PDE7B: variants seen among roughly 807,000 people sequenced by gnomAD.
The protein encoded by PDE7B is phosphodiesterase 7B.
In PDE7B, 29 loss-of-function variants were observed where a neutral mutation model predicts 56.2. The ratio of observed to expected loss-of-function variants is 0.52; its 90% confidence interval spans 0.38 to 0.70. The LOEUF is 0.70. Ranked by LOEUF, PDE7B falls within the 30% of genes least tolerant of loss-of-function variation. The pLI is 0.00. For synonymous variants in PDE7B, 197 were observed against 196.9 expected (o/e 1.00, Z 0.00); for missense variants, 490 against 565.0 (o/e 0.87, Z 1.35).
At chr6:136,140,531 A>G (rs561862293) in intron 3 of PDE7B, among the ~76,000 whole-genome samples, 15 of 152,282 alleles carry the variant, frequency 9.9e-5, no homozygotes, top group South Asian at 2.1e-4. Context: ...GCTTGATGGC[A>G]ATGGCATTGA....
At chr6:135,935,088 A>G (rs1350925166) in intron 1 of PDE7B, among the ~76,000 whole-genome samples, 1 of 86,576 alleles carries the variant, frequency 1.2e-5, no homozygotes, top group Non-Finnish European at 2.0e-5. Flanking sequence ...AAATAAATAT[A>G]TAATATATAT....
intron 1 of PDE7B, among the ~76,000 whole-genome samples, chr6:135,935,217 T>TATATATATATATATA (rs1554268029): frequency 2.1e-4 from 19 of 91,156 alleles, no homozygotes; most frequent in African/African-American, 5.9e-4. Context: ...TATATATATA[T>TATATATATATATATA]TTTCATGATT....
intron 3 of PDE7B, among the ~76,000 whole-genome samples, chr6:136,114,574 C>T (rs775642624): frequency 1.3e-5 from 2 of 152,194 alleles, no homozygotes; most frequent in African/African-American, 4.8e-5. Flanking sequence ...CAGACAGTTA[C>T]AGCCTTTTAG....
At chr6:135,864,706 C>A (rs180825995) in intron 1 of PDE7B, among the ~76,000 whole-genome samples, 105 of 152,052 alleles carry the variant, frequency 6.9e-4, no homozygotes, top group African/African-American at 2.5e-3. Flanking sequence ...AAATGTGTGT[C>A]GTGATATTGT....
intron 3 of PDE7B, among the ~76,000 whole-genome samples, chr6:136,126,447 C>G (rs1778024501): frequency 6.6e-6 from 1 of 152,126 alleles, no homozygotes; most frequent in South Asian, 2.1e-4. Context: ...CAATCCCACT[C>G]CTGGGTATCT....
intron 8 of PDE7B, among the ~76,000 whole-genome samples, chr6:136,165,859 T>C (rs1002867024): frequency 6.6e-6 from 1 of 152,134 alleles, no homozygotes; most frequent in Non-Finnish European, 1.5e-5. Context: ...TTCTTCTGAA[T>C]AGCCATAAGC....
chr6:136,181,128 T>A, intron 10 of PDE7B, 99 bp from the exon 11 acceptor site: 1 of 804,126 alleles, frequency 1.2e-6, no homozygotes. Context: ...CCTGGTACTG[T>A]GAGCAGACTG....
intron 1 of PDE7B, among the ~76,000 whole-genome samples, chr6:135,935,200 A>T (rs544339152): frequency 1.2e-5 from 1 of 86,024 alleles, no homozygotes; most frequent in Non-Finnish European, 2.1e-5. Context: ...TTATATATAT[A>T]TATATATATA....
At chr6:136,006,985 T>C (rs774120381) in intron 2 of PDE7B, among the ~76,000 whole-genome samples, 1 of 152,100 alleles carries the variant, frequency 6.6e-6, no homozygotes, top group East Asian at 1.9e-4. Flanking sequence ...TTGTCTTCTG[T>C]CAGTTTTCAA....
chr6:135,928,489 A>ATATATATATATTTATATATATATT (rs1562442921), intron 1 of PDE7B, among the ~76,000 whole-genome samples: 3 of 81,758 alleles, frequency 3.7e-5, no homozygotes, highest in African/African-American at 9.1e-5. Context: ...ATATTTATTT[A>ATATATATATATTTATATATATATT]TATATATATA....
chr6:136,010,492 A>G (rs7755585), intron 2 of PDE7B, among the ~76,000 whole-genome samples: 67,215 of 148,342 alleles, frequency 0.45, 15,309 homozygotes, highest in Admixed American at 0.56. Flanking sequence ...TGCAACCTCC[A>G]CCTCCTGGGT....
intron 11 of PDE7B, among the ~76,000 whole-genome samples, chr6:136,186,464 C>T (rs1218985456): frequency 6.6e-6 from 1 of 152,040 alleles, no homozygotes. Context: ...GACCTTTATA[C>T]TTTTTTTCAC....
intron 1 of PDE7B, among the ~76,000 whole-genome samples, chr6:135,918,265 C>G (rs954009598): frequency 1.3e-5 from 2 of 152,108 alleles, no homozygotes; most frequent in African/African-American, 4.8e-5. Context: ...CATGGTATTC[C>G]TTTCTCCTAG....
In PDE7B at chr6:136,193,426, T is replaced by C. The variant is rs1181449727; in HGVS notation, c.*1586T>C. ...ACTTTACCTTCCTGGCAGGTCATTG[T>C]AGTTAATTATGTCTCTAGCTTGGAG... On this transcript the variant is annotated 3_prime_UTR_variant, in exon 13 of 13. Transcript: ENST00000308191. 1 of 152,588 alleles carries C rather than the reference T, an allele frequency of 6.6e-6. No individual in the cohort carries two copies. The highest frequency in any genetic ancestry group is 1.5e-5 in the Non-Finnish European group (1 of 68,020). 9.5% of individuals were successfully genotyped at this position (152,588 alleles called of 1,614,324 possible).
intron 1 of PDE7B, among the ~76,000 whole-genome samples, chr6:135,900,905 T>C (rs1032883783): frequency 2.0e-5 from 3 of 152,148 alleles, no homozygotes; most frequent in African/African-American, 7.2e-5. Context: ...TTATGCTAGA[T>C]TGGTGTGATA....
intron 1 of PDE7B, among the ~76,000 whole-genome samples, chr6:135,934,832 AAT>A (rs1165182294): frequency 1.7e-4 from 19 of 110,294 alleles, no homozygotes; most frequent in African/African-American, 5.3e-4. Context: ...TTAATAAATA[AAT>A]ATATATATTT....
chr6:135,981,245 G>A (rs1243727597), intron 2 of PDE7B, among the ~76,000 whole-genome samples: 1 of 142,450 alleles, frequency 7.0e-6, no homozygotes, highest in Admixed American at 7.5e-5. Context: ...GAGAACACAT[G>A]GACACAGGAA....
At chr6:135,954,694 T>C (rs1774757504) in intron 2 of PDE7B, among the ~76,000 whole-genome samples, 1 of 152,168 alleles carries the variant, frequency 6.6e-6, no homozygotes, top group African/African-American at 2.4e-5. Context: ...AAGAGGCCCA[T>C]TATTTTGTCT....
rs76558110 is a variant in PDE7B at position 135,971,015 on chromosome 6, G to T, written c.82+23491G>T. On this transcript the variant is annotated intron_variant, in intron 2 of 12. Transcript: ENST00000308191. The stretch of plus-strand genomic sequence containing the variant: ...TGGCATGGCAGCAGAGCAGGTGGGG[G>T]TATGGATTGAGTTGTGTCCTGCCAA... Among the ~76,000 whole-genome samples, 994 of 152,220 alleles carry T rather than the reference G, an allele frequency of 6.5e-3. 8 individuals are homozygous for T. Among genetic ancestry groups the T allele is most frequent in the African/African-American group, 0.023 (937 of 41,522 alleles).
Sources: allele counts gnomAD v4.1 joint callset (sites outside exome capture counted in the v4.1 genomes callset), GRCh38; gene constraint gnomAD v4.1.1; transcripts MANE v1.5; gene names NCBI Gene and HGNC (gene_info 2026-07-23, HGNC 2026-07-21).